Variants in NPAS3 observed in about 807,000 individuals in gnomAD.
NPAS3 encodes neuronal PAS domain protein 3, also known as neuronal PAS domain-containing protein 3.
In NPAS3, 14 loss-of-function variants were observed where a neutral mutation model predicts 73.1. The observed-to-expected ratio is 0.19, with a 90% CI of 0.13 to 0.30. The LOEUF is 0.30. NPAS3 is among the 10% of genes least tolerant of loss of function. The pLI is 1.00. For missense variants in NPAS3, 1,096 were observed against 1,250.0 expected (o/e 0.88, Z 1.86); for synonymous variants, 620 against 541.5 (o/e 1.14, Z -2.01).
intron 4 of NPAS3, among the ~76,000 whole-genome samples, chr14:33,528,704 C>T (rs1320397750): frequency 3.3e-5 from 5 of 152,024 alleles, no homozygotes; most frequent in Admixed American, 2.0e-4. Flanking sequence ...TAGGTGACAG[C>T]GTCAGTGAGT....
chr14:33,684,130 G>A (rs1354357044), intron 6 of NPAS3, among the ~76,000 whole-genome samples: 1 of 151,998 alleles, frequency 6.6e-6, no homozygotes, highest in Non-Finnish European at 1.5e-5. Context: ...ATAGGTCCCT[G>A]GTAGGAATTG....
intron 4 of NPAS3, among the ~76,000 whole-genome samples, chr14:33,499,672 C>T (rs1336040191): frequency 6.6e-6 from 1 of 151,792 alleles, no homozygotes; most frequent in African/African-American, 2.4e-5. Context: ...TAGCATTTGC[C>T]CATGGGACAA....
intron 1 of NPAS3, among the ~76,000 whole-genome samples, chr14:32,980,456 C>T (rs2037850427): frequency 6.6e-6 from 1 of 152,110 alleles, no homozygotes; most frequent in Non-Finnish European, 1.5e-5. Context: ...GCATGAGAAC[C>T]TTCTCCTGTA....
chr14:33,362,460 C>A (rs1213090018), intron 3 of NPAS3, among the ~76,000 whole-genome samples: 1 of 152,172 alleles, frequency 6.6e-6, no homozygotes, highest in African/African-American at 2.4e-5. Flanking sequence ...TGAGATTCTT[C>A]AAGGGAATCC....
intron 6 of NPAS3, among the ~76,000 whole-genome samples, chr14:33,682,925 G>A (rs1002851330): frequency 6.6e-6 from 1 of 152,140 alleles, no homozygotes; most frequent in African/African-American, 2.4e-5. Context: ...GCAACCCCAG[G>A]AATCCTTTGG....
Position 33,414,931 on chromosome 14 carries a change from T to C in NPAS3, c.468+47663T>C, listed in dbSNP as rs78441542. ...AACAATAGATAAGACATTTGAATGGTAGAATTCCCTGCTCCCCTCTCCCAA... is the reference window on the plus strand; with the variant it reads ...AACAATAGATAAGACATTTGAATGGCAGAATTCCCTGCTCCCCTCTCCCAA... On this transcript the variant is annotated intron_variant, in intron 4 of 11. Coordinates refer to ENST00000356141, the Ensembl canonical transcript of NPAS3. Among the ~76,000 whole-genome samples the C allele has an allele frequency of 4.4e-3, 671 of 152,260 alleles. 5 individuals carry two copies. The highest frequency in any genetic ancestry group is 0.016 in the African/African-American group (651 of 41,562).
intron 2 of NPAS3, among the ~76,000 whole-genome samples, chr14:33,158,567 T>C (rs1421175536): frequency 5.3e-5 from 8 of 152,066 alleles, no homozygotes; most frequent in Non-Finnish European, 4.4e-5. Context: ...GGAAATGGTG[T>C]AGGCACAATA....
intron 3 of NPAS3, among the ~76,000 whole-genome samples, chr14:33,267,087 G>T (rs2040853069): frequency 6.6e-6 from 1 of 151,988 alleles, no homozygotes; most frequent in African/African-American, 2.4e-5. Flanking sequence ...ATTGTATATT[G>T]CCCAAAGGCT....
intron 5 of NPAS3, among the ~76,000 whole-genome samples, chr14:33,647,300 A>C (rs928607276): frequency 2.7e-5 from 4 of 150,936 alleles, no homozygotes; most frequent in African/African-American, 7.4e-5. Context: ...CTATATATAT[A>C]TATATATAGC....
chr14:33,061,949 C>T (rs201428378), intron 2 of NPAS3, among the ~76,000 whole-genome samples: 3 of 152,040 alleles, frequency 2.0e-5, no homozygotes, highest in Non-Finnish European at 4.4e-5. Context: ...GGAGGGAACC[C>T]GAGGTAATGG....
intron 5 of NPAS3, among the ~76,000 whole-genome samples, chr14:33,638,723 G>A (rs140572432): frequency 6.6e-6 from 1 of 152,308 alleles, no homozygotes; most frequent in Non-Finnish European, 1.5e-5. Flanking sequence ...CCTCAAATGA[G>A]GAAGTTGAAG....
chr14:33,361,080 C>G (rs189507098), intron 3 of NPAS3, among the ~76,000 whole-genome samples: 5 of 152,224 alleles, frequency 3.3e-5, no homozygotes, highest in African/African-American at 1.2e-4. Flanking sequence ...TAGTAACTAC[C>G]AGATTGTTGG....
intron 1 of NPAS3, among the ~76,000 whole-genome samples, chr14:33,039,830 A>C (rs1342473041): frequency 1.3e-5 from 2 of 152,226 alleles, no homozygotes; most frequent in Non-Finnish European, 2.9e-5. Flanking sequence ...GGGGTCTGGG[A>C]ATCAGGCCTT....
At chr14:33,068,231 A>G (rs1290463448) in intron 2 of NPAS3, among the ~76,000 whole-genome samples, 1 of 152,232 alleles carries the variant, frequency 6.6e-6, no homozygotes, top group Non-Finnish European at 1.5e-5. Flanking sequence ...CTGTAATCTT[A>G]GCTTAGTGTT....
At chr14:33,021,345 C>T (rs970391271) in intron 1 of NPAS3, among the ~76,000 whole-genome samples, 7 of 152,178 alleles carry the variant, frequency 4.6e-5, no homozygotes, top group African/African-American at 1.7e-4. Context: ...AATTGAGACA[C>T]AGAGGGCAGT....
chr14:33,485,698 T>C (rs1479413615), intron 4 of NPAS3, among the ~76,000 whole-genome samples: 2 of 152,186 alleles, frequency 1.3e-5, no homozygotes, highest in East Asian at 3.8e-4. Context: ...ATATATTTTG[T>C]CTCACAAAAA....
chr14:33,056,120 A>AC, intron 2 of NPAS3, 126 bp downstream of exon 2: 2 of 543,570 alleles, frequency 3.7e-6, no homozygotes, highest in South Asian at 2.9e-5. Context: ...AGAAAAAAAA[A>AC]CAAAAAAACA....
chr14:33,383,642 G>T (rs1315854235), intron 4 of NPAS3, among the ~76,000 whole-genome samples: 1 of 152,170 alleles, frequency 6.6e-6, no homozygotes, highest in Admixed American at 6.5e-5. Flanking sequence ...TCACAGTGAT[G>T]ATTAACTGTG....
intron 4 of NPAS3, among the ~76,000 whole-genome samples, chr14:33,409,349 G>A (rs2047814236): frequency 6.6e-6 from 1 of 151,844 alleles, no homozygotes; most frequent in Non-Finnish European, 1.5e-5. Context: ...CCTTTATACT[G>A]GAAAAAATAT....
Sources: gnomAD v4.1 joint callset for allele counts (sites outside exome capture counted in the v4.1 genomes callset) on GRCh38, gnomAD v4.1.1 for gene constraint, MANE v1.5 for transcripts, NCBI Gene and HGNC (gene_info 2026-07-23, HGNC 2026-07-21) for gene names.